Variants in ADAM18 observed in about 807,000 individuals in gnomAD.
ADAM18 encodes the protein disintegrin and metalloproteinase domain-containing protein 18.
A neutral mutation model predicts 94.4 loss-of-function variants in ADAM18; 117 were observed. The observed-to-expected ratio is 1.24, with a 90% CI of 1.07 to 1.45. The LOEUF is 1.45. ADAM18 is among the 40% of genes most tolerant of loss of function. The pLI, the probability that ADAM18 is intolerant of heterozygous loss-of-function variation, is 0.00. For synonymous variants in ADAM18, 327 were observed against 291.6 expected (o/e 1.12, Z -1.24); for missense variants, 936 against 880.0 (o/e 1.06, Z -0.81).
In ADAM18 at chr8:39,726,096, AG is replaced by A. The variant is rs1822898015; in HGVS notation, c.2177+2190del. ...TTCTAAATGGAAAGTAATATCTCAT[AG>A]TGGTCTTCATTTATGTTTTCCTGAT... On this transcript the variant is annotated intron_variant, in intron 19 of 19. Transcript: ENST00000265707. Among the ~76,000 whole-genome samples the A allele has an allele frequency of 3.9e-5, 6 of 152,166 alleles. No individual in the cohort carries two copies. The South Asian group carries it at 1.2e-3, about 32-fold the overall frequency.
intron 16 of ADAM18, among the ~76,000 whole-genome samples, chr8:39,690,500 G>A (rs1054840886): frequency 6.6e-6 from 1 of 151,978 alleles, no homozygotes; most frequent in Non-Finnish European, 1.5e-5. Flanking sequence ...TCTTCATATG[G>A]CATATACAAT....
At chr8:39,706,708 T>C in intron 17 of ADAM18, 82 bp from the exon 18 acceptor site, 2 of 581,928 alleles carry the variant, frequency 3.4e-6, no homozygotes. Context: ...TGAAATTTAG[T>C]TATTTATATC....
chr8:39,611,375 G>T (rs1819266749), intron 6 of ADAM18: 9 of 931,166 alleles, frequency 9.7e-6, no homozygotes, highest in Non-Finnish European at 1.2e-5. Context: ...CACTTCTTGG[G>T]TCTGTAAATG....
At chr8:39,668,482 T>A (rs1323744854) in intron 14 of ADAM18, among the ~76,000 whole-genome samples, 1 of 152,184 alleles carries the variant, frequency 6.6e-6, no homozygotes, top group African/African-American at 2.4e-5. Flanking sequence ...ATCAGTAGAT[T>A]CTAAAATTTA....
intron 12 of ADAM18, among the ~76,000 whole-genome samples, chr8:39,652,354 G>T (rs1342197470): frequency 6.6e-6 from 1 of 151,962 alleles, no homozygotes; most frequent in Non-Finnish European, 1.5e-5. Context: ...TCAATAGCAG[G>T]AAAACAATCC....
At chr8:39,604,392 G>A (rs1701845626) in intron 2 of ADAM18, among the ~76,000 whole-genome samples, 4 of 151,790 alleles carry the variant, frequency 2.6e-5, no homozygotes, top group Admixed American at 2.0e-4. Context: ...TTATATTAAG[G>A]TCCTGTTTTA....
intron 18 of ADAM18, among the ~76,000 whole-genome samples, chr8:39,712,824 T>C (rs1822453850): frequency 6.6e-6 from 1 of 152,168 alleles, no homozygotes; most frequent in African/African-American, 2.4e-5. Context: ...TCCATGCTCA[T>C]GAATAGGAAG....
Position 39,680,138 on chromosome 8 carries a change from G to T in ADAM18, c.1733G>T (p.Cys578Phe). The change falls in exon 16 of 20, where the codon TGT becomes TTT. Residue 578 changes from cysteine to phenylalanine, a missense_variant. Cys to Phe is a radical substitution (Grantham distance 205). Transcript: ENST00000265707. ...TATTCATATATTCAAGACCATGTAT[G>T]TGTATCTATAGCCACTGGTTCCTCC... ...TVYSYIQDHVCVSIATGSSMR... is the reference protein window; with the variant it reads ...TVYSYIQDHVFVSIATGSSMR... 15 of 1,613,830 alleles carry T rather than the reference G, an allele frequency of 9.3e-6. No individual in the cohort carries two copies. Among genetic ancestry groups the T allele is most frequent in the Non-Finnish European group, 1.3e-5 (15 of 1,179,862 alleles).
chr8:39,638,633 T>A, intron 10 of ADAM18, 87 bp downstream of exon 10: 1 of 692,580 alleles, frequency 1.4e-6, no homozygotes. Flanking sequence ...TTAAATAGTG[T>A]AAAACCATTT....
intron 12 of ADAM18, 74 bp downstream of exon 12, chr8:39,648,601 A>G (rs748954348): frequency 7.4e-7 from 1 of 1,346,208 alleles, no homozygotes; most frequent in East Asian, 2.5e-5. Context: ...TTGTCATGGT[A>G]TATATAAATG....
intron 2 of ADAM18, among the ~76,000 whole-genome samples, chr8:39,599,364 T>A (rs1563268816): frequency 6.6e-6 from 1 of 152,212 alleles, no homozygotes; most frequent in Non-Finnish European, 1.5e-5. Context: ...GGATTTTTCA[T>A]CTAGCTTTAT....
At chr8:39,620,102 G>A (rs113161869) in intron 6 of ADAM18, among the ~76,000 whole-genome samples, 1,691 of 151,574 alleles carry the variant, frequency 0.011, 44 homozygotes, top group African/African-American at 0.039. Flanking sequence ...TGACAATGTT[G>A]CCAAGAACTC....
intron 2 of ADAM18, among the ~76,000 whole-genome samples, chr8:39,600,036 A>C (rs983007301): frequency 1.3e-5 from 2 of 152,188 alleles, no homozygotes; most frequent in African/African-American, 4.8e-5. Flanking sequence ...ATTATTCACC[A>C]TTAAGTCTGA....
At chr8:39,663,582 G>A (rs1285137359) in intron 12 of ADAM18, among the ~76,000 whole-genome samples, 1 of 100,600 alleles carries the variant, frequency 9.9e-6, no homozygotes, top group African/African-American at 4.0e-5. Context: ...CTGGGTGACA[G>A]AGTGAAATCC....
chr8:39,723,709 ACT>A, intron 18 of ADAM18, 37 bp from the exon 19 acceptor site: 1 of 1,346,708 alleles, frequency 7.4e-7, no homozygotes, highest in Non-Finnish European at 9.8e-7. Context: ...TTAAATATCC[ACT>A]GAGTCCCCAC....
chr8:39,654,338 G>A (rs1429619665), intron 12 of ADAM18, among the ~76,000 whole-genome samples: 1 of 151,158 alleles, frequency 6.6e-6, no homozygotes, highest in African/African-American at 2.5e-5. Context: ...CCAAAGTGCT[G>A]GGATTACAGG....
At chr8:39,707,551 G>A (rs911112313) in intron 18 of ADAM18, among the ~76,000 whole-genome samples, 3 of 152,008 alleles carry the variant, frequency 2.0e-5, no homozygotes, top group South Asian at 2.1e-4. Flanking sequence ...CTGCAAAACC[G>A]GTGCAGATTT....
intron 2 of ADAM18, among the ~76,000 whole-genome samples, chr8:39,591,019 A>G (rs768533842): frequency 5.1e-4 from 77 of 152,358 alleles, no homozygotes; most frequent in Middle Eastern, 3.4e-3. Flanking sequence ...TTGGTATACT[A>G]TATACTATAG....
chr8:39,708,966 C>T (rs1031399507), intron 18 of ADAM18, among the ~76,000 whole-genome samples: 1 of 152,234 alleles, frequency 6.6e-6, no homozygotes, highest in Non-Finnish European at 1.5e-5. Flanking sequence ...GCTCCTTTAG[C>T]TCTGCCATCT....
Sources: allele counts gnomAD v4.1 joint callset (sites outside exome capture counted in the v4.1 genomes callset), GRCh38; gene constraint gnomAD v4.1.1; transcripts MANE v1.5; gene names NCBI Gene and HGNC (gene_info 2026-07-23, HGNC 2026-07-21).